SPTBN5: variants seen among roughly 807,000 people sequenced by gnomAD.
SPTBN5 encodes spectrin beta, non-erythrocytic 5, also known as spectrin beta chain, non-erythrocytic 5.
A neutral mutation model predicts 477.6 loss-of-function variants in SPTBN5; 513 were observed. The observed-to-expected ratio is 1.07, with a 90% CI of 1.00 to 1.16. The LOEUF (loss-of-function observed/expected upper bound fraction) is 1.16. Ranked by LOEUF, SPTBN5 falls within the 50% of genes most tolerant of loss-of-function variation. The pLI, the probability that SPTBN5 is intolerant of heterozygous loss-of-function variation, is 0.00. For synonymous variants in SPTBN5, 2,169 were observed against 2,011.7 expected (o/e 1.08, Z -2.09); for missense variants, 5,062 against 4,731.8 (o/e 1.07, Z -2.05).
chr15:41,875,094 G>A (rs1323758090), intron 22 of SPTBN5, 38 bp from the exon 23 acceptor site: 2 of 1,557,100 alleles, frequency 1.3e-6, no homozygotes, highest in Non-Finnish European at 1.7e-6. Flanking sequence ...GGTTCTCTGT[G>A]TACAGCACAG....
intron 39 of SPTBN5, among the ~76,000 whole-genome samples, chr15:41,864,450 A>G (rs2066229018): frequency 6.6e-6 from 1 of 152,204 alleles, no homozygotes; most frequent in Admixed American, 6.5e-5. Context: ...AGTAGCTGGC[A>G]CTACAGGTGC....
At position 41,874,328 on chromosome 15, in the gene SPTBN5, G is replaced by A; in HGVS notation, c.4653C>T (p.Cys1551=). 6.2e-7 allele frequency: 1 copy of A among 1,613,690 alleles called. No homozygotes were observed. Among genetic ancestry groups the A allele is most frequent in the South Asian group, 1.1e-5 (1 of 91,078 alleles). ...PHGSPTSYTE[C]LNGAQSLHRK... Reference sequence around the variant, plus strand: ...GGTGAAGGCTCTGGGCACCATTCAAGCACTCGGTATAGCTGGTGGGGCTGC... The same window carrying A: ...GGTGAAGGCTCTGGGCACCATTCAAACACTCGGTATAGCTGGTGGGGCTGC... The change falls in exon 24 of 68, where the codon TGC becomes TGT. Residue 1551 remains cysteine, a synonymous_variant. Coordinates refer to ENST00000320955, the MANE Select transcript of SPTBN5 (RefSeq NM_016642.4).
At position 41,882,997 on chromosome 15, in the gene SPTBN5, G is replaced by A. The variant is rs774744727; in HGVS notation, c.1891C>T (p.Arg631Trp). Reference sequence around the variant, plus strand: ...GGAAGAGTTGGGGCAGGCTCTTACCGGGCCCTGACAAGAGCCACCAGGCTC... The same window carrying A: ...GGAAGAGTTGGGGCAGGCTCTTACCAGGCCCTGACAAGAGCCACCAGGCTC... ...QQSLVALVRA[R>W]RALLEQTLQR... Residue 631 changes from arginine (R) to tryptophan (W), a missense_variant and splice_region_variant, in exon 9 of 68, where the codon CGG becomes TGG. Coordinates refer to ENST00000320955, the MANE Select transcript of SPTBN5 (RefSeq NM_016642.4). The A allele has an allele frequency of 1.9e-5, 29 of 1,537,766 alleles. No individual in the cohort carries two copies. Among genetic ancestry groups the A allele is most frequent in the Non-Finnish European group, 2.2e-5 (25 of 1,145,482 alleles).
intron 1 of SPTBN5, 61 bp downstream of exon 1, chr15:41,893,838 G>T (rs1423698013): frequency 2.5e-6 from 1 of 392,524 alleles, no homozygotes; most frequent in Non-Finnish European, 4.7e-6. Context: ...GGTGATGCCT[G>T]GGTCCCACAG....
chr15:41,864,401 C>T (rs2066227203), intron 39 of SPTBN5, among the ~76,000 whole-genome samples: 1 of 152,186 alleles, frequency 6.6e-6, no homozygotes, highest in South Asian at 2.1e-4. Context: ...GCAACCTCTA[C>T]CTCCCTGGTT....
Position 41,857,629 on chromosome 15 carries a change from C to A in SPTBN5, c.8308G>T (p.Gly2770Cys), listed in dbSNP as rs745892382. Residue 2770 changes from glycine to cysteine, a missense_variant, in exon 50 of 68, where the codon GGT becomes TGT. Physicochemically the swap from Gly to Cys is radical, Grantham distance 159. Coordinates refer to ENST00000320955, the MANE Select transcript of SPTBN5 (RefSeq NM_016642.4). ...ERLEELGALW[G>C]ELQDNSQKKV... Reference sequence around the variant, plus strand: ...TTCTGGGAGTTGTCTTGCAGCTCACCCCAGAGTGCTCCCAGCTCCTCCAGT... The same window carrying A: ...TTCTGGGAGTTGTCTTGCAGCTCACACCAGAGTGCTCCCAGCTCCTCCAGT... 3.7e-6 allele frequency: 6 copies of A among 1,603,252 alleles called. No individual in the cohort carries two copies. The highest frequency in any genetic ancestry group is 5.1e-6 in the Non-Finnish European group (6 of 1,175,166).
rs776889609 is a variant in SPTBN5, at chr15:41,883,344, C to T, written c.1659+4G>A. 2 of 1,612,818 alleles carry T rather than the reference C, an allele frequency of 1.2e-6. No individual in the cohort carries two copies. The highest frequency in any genetic ancestry group is 2.2e-5 in the South Asian group (2 of 91,034). On this transcript the variant is annotated splice_donor_region_variant and intron_variant, in intron 8 of 67. Transcript: ENST00000320955. ...TCCCAAGGGCCTGCTGGTCCAGTGC[C>T]CACCTGCAGCTCCTCCAGCTGGTGG... is the stretch of plus-strand genomic sequence containing the variant.
In SPTBN5 at chr15:41,867,519, G is replaced by A; in HGVS notation, c.6312+19C>T. On this transcript the variant is annotated intron_variant, in intron 35 of 67. Coordinates refer to ENST00000320955, the MANE Select transcript of SPTBN5 (RefSeq NM_016642.4). ...AACCACCACACTCTGACCACGCCCA[G>A]GCCTCCTGACTCCATTACCTTCTTG... is the stretch of plus-strand genomic sequence containing the variant. 6.2e-7 allele frequency: 1 copy of A among 1,610,594 alleles called. No individual in the cohort carries two copies. Among genetic ancestry groups the A allele is most frequent in the Non-Finnish European group, 8.5e-7 (1 of 1,177,092 alleles).
intron 3 of SPTBN5, among the ~76,000 whole-genome samples, chr15:41,892,122 C>A (rs534311313): frequency 1.3e-5 from 2 of 152,300 alleles, no homozygotes; most frequent in Admixed American, 1.3e-4. Context: ...CCTGGCTTTC[C>A]TCCAACACAC....
chr15:41,878,321 C>T lies in SPTBN5; in HGVS notation c.3470+21G>A, dbSNP rs1350580501. Reference sequence around the variant, plus strand: ...CCTGGTCCCAGCCCAAAGTGCACCCCTTCTGCCCTCCTGTCCTGACCTCTC... The same window carrying T: ...CCTGGTCCCAGCCCAAAGTGCACCCTTTCTGCCCTCCTGTCCTGACCTCTC... On this transcript the variant is annotated intron_variant, in intron 17 of 67. Coordinates refer to ENST00000320955, the MANE Select transcript of SPTBN5 (RefSeq NM_016642.4). 9 of 1,609,382 alleles carry T rather than the reference C, an allele frequency of 5.6e-6. No individual in the cohort carries two copies. In the Admixed American group the frequency reaches 6.7e-5, roughly 12 times the overall value.
intron 32 of SPTBN5, 91 bp downstream of exon 32, chr15:41,869,750 C>T (rs113464312): frequency 8.6e-5 from 111 of 1,294,980 alleles, no homozygotes; most frequent in African/African-American, 3.4e-4. Flanking sequence ...GTTCTCCCTC[C>T]GGAGCTGGAG....
chr15:41,852,921 G>A lies in SPTBN5; in HGVS notation c.10250C>T (p.Ala3417Val). ...AAGCTTCTGCAGGCCCCAGCTCTCG[G>A]CACAGCGTTGCCAGCGCAGGGCCCA... is the stretch of plus-strand genomic sequence containing the variant. ...EAWALRWQRC[A>V]ESWGLQKLRQ... Residue 3417 changes from alanine to valine, a missense_variant, in exon 60 of 68, where the codon GCC (alanine) becomes GTC (valine). By Grantham distance (64) the Ala-to-Val change is moderately conservative. Coordinates refer to ENST00000320955, the MANE Select transcript of SPTBN5 (RefSeq NM_016642.4). 1 of 1,596,446 alleles carries A rather than the reference G, an allele frequency of 6.3e-7. No individual in the cohort carries two copies. The highest frequency in any genetic ancestry group is 8.5e-7 in the Non-Finnish European group (1 of 1,172,086).
chr15:41,871,727 C>A (rs1049118239), intron 28 of SPTBN5, 55 bp downstream of exon 28: 58 of 1,454,026 alleles, frequency 4.0e-5, no homozygotes, highest in Non-Finnish European at 5.1e-5. Flanking sequence ...GCCAGCTTCC[C>A]CACCCCATAG....
rs1324935776 is a variant in SPTBN5 at position 41,866,117 on chromosome 15, C to A, written c.6743G>T (p.Gly2248Val). ...EDLRQAMALR[G>V]QELEDRRNFL... ...GTTCCGCCTGTCCTCCAGCTCCTGG[C>A]CCCTGAGGGCCATTGCCTGCCTCAG... is the stretch of plus-strand genomic sequence containing the variant. The change falls in exon 38 of 68, where the codon GGC becomes GTC. Residue 2248 changes from glycine (G) to valine (V), a missense_variant. Coordinates refer to ENST00000320955, the MANE Select transcript of SPTBN5 (RefSeq NM_016642.4). The A allele has an allele frequency of 6.4e-6, 10 of 1,557,880 alleles. No homozygotes were observed. Among genetic ancestry groups the A allele is most frequent in the Non-Finnish European group, 8.7e-6 (10 of 1,151,650 alleles).
intron 65 of SPTBN5, 36 bp from the exon 66 acceptor site, chr15:41,850,975 C>T (rs1357589050): frequency 1.4e-5 from 23 of 1,589,786 alleles, no homozygotes; most frequent in Non-Finnish European, 2.0e-5. Flanking sequence ...CTCCACTGTC[C>T]CTTTGGGGAC....
chr15:41,867,920 T>G, intron 34 of SPTBN5, 149 bp downstream of exon 34: 1 of 1,159,582 alleles, frequency 8.6e-7, no homozygotes, highest in Non-Finnish European at 1.2e-6. Context: ...GCCTCAGCAC[T>G]TCACCATGGC....
chr15:41,854,717 G>T, intron 56 of SPTBN5, 65 bp downstream of exon 56: 1 of 1,376,108 alleles, frequency 7.3e-7, no homozygotes, highest in East Asian at 2.5e-5. Flanking sequence ...GTGGTAAGGA[G>T]GGCTTAGAGG....
chr15:41,855,414 G>A lies in SPTBN5; in HGVS notation c.9233C>T (p.Ala3078Val). 1 of 1,603,592 alleles carries A rather than the reference G, an allele frequency of 6.2e-7. No individual in the cohort carries two copies. The highest frequency in any genetic ancestry group is 8.5e-7 in the Non-Finnish European group (1 of 1,177,792). Reference sequence around the variant, plus strand: ...GGCCTCCCGAACTGCCTGCAGCTGGGCTAGCACCTTGGGGCTGTGGGAAGA... The same window carrying A: ...GGCCTCCCGAACTGCCTGCAGCTGGACTAGCACCTTGGGGCTGTGGGAAGA... ...RKNPESPKVL[A>V]QLQAVREAHA... is the part of the protein sequence containing the mutation. Residue 3078 changes from alanine (A) to valine (V), a missense_variant, in exon 55 of 68, where the codon GCC becomes GTC. Coordinates refer to ENST00000320955, the MANE Select transcript of SPTBN5 (RefSeq NM_016642.4).
chr15:41,850,532 G>T, intron 66 of SPTBN5: 1 of 362,232 alleles, frequency 2.8e-6, no homozygotes, highest in Non-Finnish European at 5.0e-6. Flanking sequence ...AAAGCCCTTG[G>T]AGGAACACAG....
Sources: gnomAD v4.1 joint callset for allele counts (sites outside exome capture counted in the v4.1 genomes callset) on GRCh38, gnomAD v4.1.1 for gene constraint, MANE v1.5 for transcripts, NCBI Gene and HGNC (gene_info 2026-07-23, HGNC 2026-07-21) for gene names.